Variants in FRMD3 observed in about 807,000 individuals in gnomAD.
FRMD3 encodes FERM domain-containing protein 3.
Under a neutral mutation model 70.2 loss-of-function variants are expected in FRMD3, and 33 were observed. That is an observed-to-expected ratio of 0.47 (90% CI 0.36 to 0.63). The LOEUF (loss-of-function observed/expected upper bound fraction) is 0.63. Ranked by LOEUF, FRMD3 falls within the 20% of genes least tolerant of loss-of-function variation. The pLI, the probability that FRMD3 is intolerant of heterozygous loss-of-function variation, is 0.00. For missense variants in FRMD3, 632 were observed against 711.4 expected, an observed-to-expected ratio of 0.89 and a Z score of 1.27; for synonymous variants, 279 against 255.9, an observed-to-expected ratio of 1.09 and a Z score of -0.86.
chr9:83,292,155 T>C (rs1157658510), intron 12 of FRMD3, among the ~76,000 whole-genome samples: 1 of 122,300 alleles, frequency 8.2e-6, no homozygotes, highest in African/African-American at 3.0e-5. Flanking sequence ...CCTACATTAA[T>C]AAATACTTTT....
At chr9:83,412,209 T>G (rs1826299631) in intron 1 of FRMD3, among the ~76,000 whole-genome samples, 1 of 152,240 alleles carries the variant, frequency 6.6e-6, no homozygotes. Flanking sequence ...TCATACGTGT[T>G]GTTGTGTGAA....
chr9:83,470,687 T>C (rs1828247859), intron 1 of FRMD3, among the ~76,000 whole-genome samples: 1 of 152,214 alleles, frequency 6.6e-6, no homozygotes, highest in African/African-American at 2.4e-5. Context: ...TCTGGATTCA[T>C]GAATAGAATA....
At chr9:83,500,498 G>GTGCACACACA (rs1829038993) in intron 1 of FRMD3, among the ~76,000 whole-genome samples, 2 of 62,938 alleles carry the variant, frequency 3.2e-5, no homozygotes, top group African/African-American at 1.0e-4. Flanking sequence ...TGGCGTGTAT[G>GTGCACACACA]CGCGCACACA....
At chr9:83,552,725 G>A in the FRMD3 span, among the ~76,000 whole-genome samples, 1 of 152,158 alleles carries the variant, frequency 6.6e-6, no homozygotes, top group East Asian at 1.9e-4. Context: ...TTGCCATTAT[G>A]TAATGCCTTT....
chr9:83,356,485 C>A (rs796267472), intron 3 of FRMD3, among the ~76,000 whole-genome samples: 35 of 151,808 alleles, frequency 2.3e-4, no homozygotes, highest in African/African-American at 8.0e-4. Flanking sequence ...ACCGTGTTAG[C>A]CAGGATGGTC....
At chr9:83,272,361 G>A (rs1833592513) in intron 13 of FRMD3, among the ~76,000 whole-genome samples, 1 of 152,110 alleles carries the variant, frequency 6.6e-6, no homozygotes, top group Admixed American at 6.5e-5. Context: ...GCCAGCCTTG[G>A]CCTCCCGAGG....
rs142974633 is a variant in FRMD3 at position 83,290,066 on chromosome 9, T to C, written c.1195+537A>G. Among the ~76,000 whole-genome samples the C allele has an allele frequency of 5.2e-3, 796 of 152,266 alleles. 9 individuals carry two copies. Among genetic ancestry groups the C allele is most frequent in the African/African-American group, 0.018 (762 of 41,534 alleles). ...AGAACAAGAAGCCTGGGGGAATAAA[T>C]GGGATGACGAGTGTAGAGATACTTG... On this transcript the variant is annotated intron_variant, in intron 13 of 13. Transcript: ENST00000304195.
intron 6 of FRMD3, among the ~76,000 whole-genome samples, chr9:83,315,036 C>T (rs1835509943): frequency 6.6e-6 from 1 of 152,050 alleles, no homozygotes; most frequent in Non-Finnish European, 1.5e-5. Flanking sequence ...CATTCTGCTG[C>T]TTCTGTCATT....
chr9:83,344,539 C>T (rs965698763), intron 4 of FRMD3, among the ~76,000 whole-genome samples: 14 of 152,172 alleles, frequency 9.2e-5, no homozygotes, highest in Admixed American at 2.6e-4. Flanking sequence ...CTGAATAGCA[C>T]ACAAAGGCAG....
At chr9:83,504,951 A>G (rs1429973240) in intron 1 of FRMD3, among the ~76,000 whole-genome samples, 3 of 152,242 alleles carry the variant, frequency 2.0e-5, no homozygotes, top group African/African-American at 7.2e-5. Flanking sequence ...AGATTGGGTC[A>G]GCTCACATCA....
At chr9:83,458,000 C>CAAAA (rs10555580) in intron 1 of FRMD3, among the ~76,000 whole-genome samples, 104 of 87,896 alleles carry the variant, frequency 1.2e-3, no homozygotes, top group East Asian at 3.0e-3. Flanking sequence ...TATTACCTCT[C>CAAAA]AAAAAAAAAA....
intron 1 of FRMD3, among the ~76,000 whole-genome samples, chr9:83,417,524 A>G (rs1826492410): frequency 6.6e-6 from 1 of 152,218 alleles, no homozygotes; most frequent in African/African-American, 2.4e-5. Context: ...TCCTATATGG[A>G]AACAGTTCTA....
chr9:83,511,092 C>T (rs1209337212), intron 1 of FRMD3, among the ~76,000 whole-genome samples: 1 of 152,224 alleles, frequency 6.6e-6, no homozygotes, highest in Non-Finnish European at 1.5e-5. Context: ...CACCAACCTT[C>T]CTTAAGAAGA....
At chr9:83,533,856 A>G (rs941529963) in intron 1 of FRMD3, among the ~76,000 whole-genome samples, 1 of 152,214 alleles carries the variant, frequency 6.6e-6, no homozygotes, top group African/African-American at 2.4e-5. Context: ...TTTTCAGCCA[A>G]TTCCAACTAT....
At chr9:83,554,942 C>T in the FRMD3 span, among the ~76,000 whole-genome samples, 179 of 152,318 alleles carry the variant, frequency 1.2e-3, no homozygotes, top group Middle Eastern at 3.4e-3. Context: ...CGAGGTATCA[C>T]AAGTGAATGC....
intron 13 of FRMD3, among the ~76,000 whole-genome samples, chr9:83,290,078 T>C (rs1358357161): frequency 3.3e-5 from 5 of 152,062 alleles, no homozygotes; most frequent in East Asian, 3.9e-4. Context: ...GGATGACGAG[T>C]GTAGAGATAC....
intron 12 of FRMD3, among the ~76,000 whole-genome samples, chr9:83,294,343 TG>T (rs1459545718): frequency 6.6e-6 from 1 of 152,192 alleles, no homozygotes; most frequent in Non-Finnish European, 1.5e-5. Flanking sequence ...TAAGCCACCC[TG>T]GTCTATGGTA....
intron 1 of FRMD3, among the ~76,000 whole-genome samples, chr9:83,430,064 C>T (rs184681561): frequency 6.6e-5 from 10 of 152,296 alleles, no homozygotes; most frequent in Non-Finnish European, 1.5e-4. Flanking sequence ...TTACTAAAGG[C>T]TGTCTTATTC....
chr9:83,507,681 AATATACATACATATATATATATATATAT>A (rs1329179605), intron 1 of FRMD3, among the ~76,000 whole-genome samples: 1 of 79,078 alleles, frequency 1.3e-5, no homozygotes, highest in African/African-American at 5.0e-5. Context: ...AACAAAAAAA[AATATACATACATATATATATATATATAT>A]ATATATATAT....
Sources: allele counts gnomAD v4.1 joint callset (sites outside exome capture counted in the v4.1 genomes callset), GRCh38; gene constraint gnomAD v4.1.1; transcripts MANE v1.5; gene names NCBI Gene and HGNC (gene_info 2026-07-23, HGNC 2026-07-21).